Variants in DPP6 observed in about 807,000 individuals in gnomAD.
DPP6 encodes dipeptidyl peptidase like 6.
Under a neutral mutation model 122.6 loss-of-function variants are expected in DPP6, and 69 were observed. The ratio of observed to expected loss-of-function variants is 0.56; its 90% CI spans 0.46 to 0.69. The LOEUF (loss-of-function observed/expected upper bound fraction) is 0.69. Ranked by LOEUF, DPP6 falls within the 30% of genes least tolerant of loss-of-function variation. DPP6 has a pLI of 0.00. For synonymous variants in DPP6, 418 were observed against 433.1 expected (o/e 0.97, Z 0.43); for missense variants, 928 against 1,116.9 (o/e 0.83, Z 2.41).
At chr7:154,573,044 G>A (rs1188806018) in intron 5 of DPP6, among the ~76,000 whole-genome samples, 3 of 152,130 alleles carry the variant, frequency 2.0e-5, no homozygotes, top group Non-Finnish European at 2.9e-5. Flanking sequence ...TGGTTCTGAT[G>A]TTTACTGCCA....
intron 16 of DPP6, among the ~76,000 whole-genome samples, chr7:154,839,220 AGTG>A (rs1211623400): frequency 6.6e-6 from 1 of 152,246 alleles, no homozygotes; most frequent in Non-Finnish European, 1.5e-5. Context: ...CTTTAAGATG[AGTG>A]GTGGTATCAT....
At chr7:153,847,308 T>C in the DPP6 span, among the ~76,000 whole-genome samples, 2 of 152,374 alleles carry the variant, frequency 1.3e-5, no homozygotes, top group South Asian at 4.1e-4. Context: ...CACTCACTTA[T>C]GGCTATTTTC....
chr7:154,545,231 C>A (rs1829073561), intron 4 of DPP6, among the ~76,000 whole-genome samples: 1 of 152,144 alleles, frequency 6.6e-6, no homozygotes, highest in African/African-American at 2.4e-5. Context: ...AGACTCTTGT[C>A]AACAAGATAG....
In DPP6 at chr7:154,592,986, C is replaced by T. The variant is rs180814166; in HGVS notation, c.627+26070C>T. On this transcript the variant is annotated intron_variant, in intron 5 of 25. Transcript: ENST00000377770. ...AGAAACACCTGGTAATCCTTGCAGGCGTCACCCAGGCTGCGGGCCGGAGCT... is the reference window on the plus strand; with the variant it reads ...AGAAACACCTGGTAATCCTTGCAGGTGTCACCCAGGCTGCGGGCCGGAGCT... 1.5e-3 allele frequency among the ~76,000 whole-genome samples: 234 copies of T among 152,260 alleles called. 1 individual carries two copies. The highest frequency in any genetic ancestry group is 5.2e-3 in the African/African-American group (216 of 41,558).
intron 8 of DPP6, among the ~76,000 whole-genome samples, chr7:154,761,912 T>G (rs962511429): frequency 2.0e-5 from 3 of 152,104 alleles, no homozygotes; most frequent in African/African-American, 7.2e-5. Flanking sequence ...TCCTCATTGT[T>G]CAATTCCCAC....
At chr7:154,630,457 A>G (rs1835337942) in intron 5 of DPP6, among the ~76,000 whole-genome samples, 1 of 152,252 alleles carries the variant, frequency 6.6e-6, no homozygotes, top group Non-Finnish European at 1.5e-5. Flanking sequence ...GGAATGGCTG[A>G]TGCGAATTCC....
intron 16 of DPP6, among the ~76,000 whole-genome samples, chr7:154,812,523 T>C (rs568796957): frequency 7.9e-5 from 12 of 152,230 alleles, no homozygotes; most frequent in South Asian, 6.2e-4. Flanking sequence ...GGGTCACAGA[T>C]GACCAGTTTC....
intron 16 of DPP6, among the ~76,000 whole-genome samples, chr7:154,850,145 CA>C (rs1802257327): frequency 6.6e-6 from 1 of 152,114 alleles, no homozygotes; most frequent in Non-Finnish European, 1.5e-5. Flanking sequence ...ATCACCCAAG[CA>C]GTATACACTG....
intron 1 of DPP6, among the ~76,000 whole-genome samples, chr7:153,951,769 G>A (rs1237556732): frequency 1.3e-5 from 2 of 152,218 alleles, no homozygotes; most frequent in African/African-American, 4.8e-5. Context: ...CTGACCAGGT[G>A]CAGTGGCTTA....
At chr7:153,992,699 A>G (rs1251985366) in intron 1 of DPP6, among the ~76,000 whole-genome samples, 1 of 152,210 alleles carries the variant, frequency 6.6e-6, no homozygotes, top group African/African-American at 2.4e-5. Context: ...GAAGTCCTTT[A>G]TGCTCTAATT....
intron 1 of DPP6, among the ~76,000 whole-genome samples, chr7:154,247,619 A>G (rs79486942): frequency 0.039 from 5,936 of 152,270 alleles, 191 homozygotes; most frequent in East Asian, 0.13. Context: ...GCAGGGATGT[A>G]AAACAACACA....
At chr7:154,063,107 C>A (rs1380549399) in intron 1 of DPP6, among the ~76,000 whole-genome samples, 2 of 133,352 alleles carry the variant, frequency 1.5e-5, no homozygotes, top group Non-Finnish European at 3.3e-5. Flanking sequence ...TGTTAGTACC[C>A]CCATCGCAGG....
chr7:154,553,044 G>A (rs1829747332), intron 4 of DPP6, among the ~76,000 whole-genome samples: 2 of 152,266 alleles, frequency 1.3e-5, no homozygotes, highest in Middle Eastern at 6.8e-3. Flanking sequence ...TAGAATTTTT[G>A]AGCTGGTTAG....
At chr7:153,857,613 T>C in the DPP6 span, among the ~76,000 whole-genome samples, 1 of 152,178 alleles carries the variant, frequency 6.6e-6, no homozygotes. Flanking sequence ...TGTCATTTGA[T>C]GCCAGCTGCC....
chr7:154,892,321 G>C lies in DPP6; in HGVS notation c.2452-13G>C. Reference sequence around the variant, plus strand: ...ATACCTGGGAGAGTAATTTCTCCGTGCCTTCCTTGCAGATTTACCCGGACG... The same window carrying C: ...ATACCTGGGAGAGTAATTTCTCCGTCCCTTCCTTGCAGATTTACCCGGACG... On this transcript the variant is annotated splice_polypyrimidine_tract_variant and intron_variant, in intron 25 of 25. Transcript: ENST00000377770. 4 of 1,613,962 alleles carry C rather than the reference G, an allele frequency of 2.5e-6. No individual in the cohort carries two copies. The highest frequency in any genetic ancestry group is 3.4e-6 in the Non-Finnish European group (4 of 1,179,868).
intron 3 of DPP6, among the ~76,000 whole-genome samples, chr7:154,510,471 A>T (rs1379998412): frequency 6.6e-6 from 1 of 152,128 alleles, no homozygotes; most frequent in Admixed American, 6.6e-5. Flanking sequence ...AGGCTGAGGC[A>T]GGTGGATCAT....
At chr7:154,740,553 C>T (rs187809784) in intron 8 of DPP6, among the ~76,000 whole-genome samples, 47 of 152,272 alleles carry the variant, frequency 3.1e-4, no homozygotes, top group African/African-American at 1.1e-3. Context: ...CTAGGGTGGA[C>T]CAGATAATGC....
At chr7:154,265,279 A>C (rs1057215664) in intron 1 of DPP6, among the ~76,000 whole-genome samples, 2 of 151,880 alleles carry the variant, frequency 1.3e-5, no homozygotes, top group Admixed American at 6.6e-5. Flanking sequence ...TGATGGTCAT[A>C]ATGATGATGA....
At chr7:154,211,598 C>A (rs760481131) in intron 1 of DPP6, among the ~76,000 whole-genome samples, 2 of 152,112 alleles carry the variant, frequency 1.3e-5, no homozygotes, top group African/African-American at 2.4e-5. Flanking sequence ...GGAAGAAATG[C>A]GCATTTATGG....
Sources: allele counts gnomAD v4.1 joint callset (sites outside exome capture counted in the v4.1 genomes callset), GRCh38; gene constraint gnomAD v4.1.1; transcripts MANE v1.5; gene names NCBI Gene and HGNC (gene_info 2026-07-23, HGNC 2026-07-21).